Variants in ZC3H12B observed in about 807,000 individuals in gnomAD.
ZC3H12B encodes the protein zinc finger CCCH-type containing 12B, also known as probable ribonuclease ZC3H12B.
ZC3H12B carries 7 observed loss-of-function variants against 43.9 expected under a neutral mutation model. The observed-to-expected ratio is 0.16, with a 90% CI of 0.09 to 0.30. ZC3H12B has a LOEUF of 0.30. ZC3H12B is among the 10% of genes least tolerant of loss of function. ZC3H12B has a pLI of 1.00. For synonymous variants in ZC3H12B, 222 were observed against 241.7 expected (o/e 0.92, Z 0.76); for missense variants, 475 against 670.2 (o/e 0.71, Z 3.22).
At chrX:65,083,785 C>G in the ZC3H12B span, among the ~76,000 whole-genome samples, 1 of 111,524 alleles carries the variant, frequency 9.0e-6, no homozygotes, top group Non-Finnish European at 1.9e-5. Context: ...ACAAAAGACC[C>G]AGAATATGCA....
chrX:65,330,198 T>C, the ZC3H12B span, among the ~76,000 whole-genome samples: 5 of 111,364 alleles, frequency 4.5e-5, no homozygotes. Flanking sequence ...TGATTTGGCT[T>C]TCTGTTTGTC....
At chrX:65,075,855 G>A in the ZC3H12B span, among the ~76,000 whole-genome samples, 1 of 111,828 alleles carries the variant, frequency 8.9e-6, no homozygotes, top group Non-Finnish European at 1.9e-5. Context: ...AAGAAGCCAA[G>A]AATTGGGAGT....
chrX:65,327,617 C>A, the ZC3H12B span, among the ~76,000 whole-genome samples: 1 of 110,994 alleles, frequency 9.0e-6, no homozygotes, highest in Non-Finnish European at 1.9e-5. Context: ...ATGAATTGAA[C>A]CTTTGGTATT....
the ZC3H12B span, among the ~76,000 whole-genome samples, chrX:65,190,388 C>T: frequency 9.0e-6 from 1 of 111,076 alleles, no homozygotes; most frequent in East Asian, 2.8e-4. Context: ...TTACCTTGGG[C>T]AGTATGGCCA....
the ZC3H12B span, among the ~76,000 whole-genome samples, chrX:65,160,628 G>T: frequency 6.6e-4 from 73 of 110,948 alleles, no homozygotes; most frequent in African/African-American, 2.2e-3. Flanking sequence ...CATTTTTTTT[G>T]TGTCTATTTG....
At chrX:65,261,953 A>G in the ZC3H12B span, among the ~76,000 whole-genome samples, 1 of 110,663 alleles carries the variant, frequency 9.0e-6, no homozygotes, top group Non-Finnish European at 1.9e-5. Context: ...ATAATTTAGT[A>G]TAGCTCATTT....
At chrX:65,105,662 G>C in the ZC3H12B span, among the ~76,000 whole-genome samples, 1 of 111,440 alleles carries the variant, frequency 9.0e-6, no homozygotes, top group African/African-American at 3.3e-5. Context: ...GAATCCTATG[G>C]GGAATTATTC....
chrX:65,055,086 C>T, the ZC3H12B span, among the ~76,000 whole-genome samples: 4 of 111,105 alleles, frequency 3.6e-5, no homozygotes, highest in African/African-American at 1.3e-4. Flanking sequence ...TTTCCTTCTC[C>T]TGCCTGATTG....
At chrX:65,362,963 T>C (rs1250017062), upstream of ZC3H12B, among the ~76,000 whole-genome samples, 1 of 110,753 alleles carries the variant, frequency 9.0e-6, no homozygotes, top group East Asian at 2.8e-4. Context: ...ATTCTTGATC[T>C]CAAACATGCT....
chrX:65,383,904 C>T (rs1191508560), intron 2 of ZC3H12B, among the ~76,000 whole-genome samples: 2 of 101,644 alleles, frequency 2.0e-5, no homozygotes, highest in Non-Finnish European at 4.0e-5. Context: ...AATAGGAACA[C>T]TTTTACACTG....
chrX:65,194,822 T>A, the ZC3H12B span, among the ~76,000 whole-genome samples: 1 of 112,219 alleles, frequency 8.9e-6, no homozygotes, highest in African/African-American at 3.2e-5. Flanking sequence ...CCCTAATAAT[T>A]TATTGCTTTA....
chrX:65,146,991 C>T, the ZC3H12B span, among the ~76,000 whole-genome samples: 4 of 111,994 alleles, frequency 3.6e-5, no homozygotes, highest in Non-Finnish European at 7.5e-5. Flanking sequence ...GCCACTCTGT[C>T]CATCCGAGTT....
At chrX:65,289,871 A>G in the ZC3H12B span, among the ~76,000 whole-genome samples, 1 of 110,976 alleles carries the variant, frequency 9.0e-6, no homozygotes, top group Non-Finnish European at 1.9e-5. Context: ...ACCCAAAACT[A>G]TAATACTATT....
chrX:65,148,937 C>T, the ZC3H12B span, among the ~76,000 whole-genome samples: 3 of 111,097 alleles, frequency 2.7e-5, no homozygotes, highest in African/African-American at 6.5e-5. Context: ...CTTCATGTCT[C>T]CTCTCTCTCT....
intron 3 of ZC3H12B, among the ~76,000 whole-genome samples, chrX:65,450,283 G>A (rs1000689926): frequency 1.1e-5 from 1 of 93,357 alleles, no homozygotes; most frequent in Non-Finnish European, 2.1e-5. Context: ...CAGCCTGGGC[G>A]ACAGAGCAAG....
the ZC3H12B span, among the ~76,000 whole-genome samples, chrX:65,053,983 A>C: frequency 9.8e-6 from 1 of 101,664 alleles, no homozygotes; most frequent in African/African-American, 3.4e-5. Flanking sequence ...AATTTATTTG[A>C]GTTCATTGTA....
At chrX:65,186,681 C>A in the ZC3H12B span, 3 of 110,605 alleles carry the variant, frequency 2.7e-5, no homozygotes, top group Admixed American at 9.7e-5. Flanking sequence ...TTACCCCTCA[C>A]CACCCTCTAC....
chrX:65,348,363 G>A, the ZC3H12B span, among the ~76,000 whole-genome samples: 3 of 111,547 alleles, frequency 2.7e-5, no homozygotes, highest in East Asian at 8.4e-4. Context: ...CCTCAAGGTA[G>A]CACTAAACAT....
At chrX:65,405,626 A>G (rs781392670) in intron 3 of ZC3H12B, among the ~76,000 whole-genome samples, 1 of 111,354 alleles carries the variant, frequency 9.0e-6, no homozygotes, top group Admixed American at 9.5e-5. Context: ...TCTCAGAAAT[A>G]ATAATAATAA....
Sources: gnomAD v4.1 joint callset for allele counts (sites outside exome capture counted in the v4.1 genomes callset) on GRCh38, gnomAD v4.1.1 for gene constraint, MANE v1.5 for transcripts, NCBI Gene and HGNC (gene_info 2026-07-23, HGNC 2026-07-21) for gene names.